Variants in CALN1 observed in about 807,000 individuals in gnomAD.
CALN1 encodes the protein calneuron 1, also known as calcium-binding protein 8.
In CALN1, 17 loss-of-function variants were observed where a neutral mutation model predicts 30.6. That is an observed-to-expected ratio of 0.56 (90% confidence interval 0.38 to 0.83). CALN1 has a LOEUF of 0.83. CALN1 is among the 40% of genes least tolerant of loss of function. CALN1 has a pLI of 0.00. For synonymous variants in CALN1, 156 were observed against 131.4 expected (o/e 1.19, Z -1.28); for missense variants, 291 against 354.9 (o/e 0.82, Z 1.45).
At chr7:72,307,732 A>G (rs1799748751) in intron 2 of CALN1, among the ~76,000 whole-genome samples, 2 of 152,134 alleles carry the variant, frequency 1.3e-5, no homozygotes, top group Admixed American at 6.5e-5. Context: ...AGACACAGAC[A>G]CTAGTGCCCT....
At chr7:71,871,057 AAAG>A (rs2116733811) in intron 5 of CALN1, among the ~76,000 whole-genome samples, 2 of 152,310 alleles carry the variant, frequency 1.3e-5, no homozygotes, top group East Asian at 3.9e-4. Context: ...AAAAAAGAAA[AAAG>A]AAAAAAAGGT....
At chr7:72,257,625 G>A (rs988542531) in intron 3 of CALN1, among the ~76,000 whole-genome samples, 2 of 151,926 alleles carry the variant, frequency 1.3e-5, no homozygotes, top group African/African-American at 2.4e-5. Context: ...CCTACCCAAA[G>A]GGAAAGAAGT....
chr7:71,840,971 CT>C (rs917835335), intron 5 of CALN1, among the ~76,000 whole-genome samples: 2 of 150,676 alleles, frequency 1.3e-5, no homozygotes, highest in African/African-American at 4.9e-5. Context: ...AAAAAAAAAC[CT>C]TTTTAAAGGT....
At chr7:72,324,518 C>G (rs1801125198) in intron 2 of CALN1, among the ~76,000 whole-genome samples, 2 of 151,348 alleles carry the variant, frequency 1.3e-5, no homozygotes, top group South Asian at 4.2e-4. Context: ...TCATTTTCAG[C>G]TCTGGCTCTC....
intron 6 of CALN1, among the ~76,000 whole-genome samples, chr7:71,801,428 G>A (rs11764942): frequency 1.1e-5 from 1 of 87,700 alleles, no homozygotes; most frequent in Non-Finnish European, 2.2e-5. Context: ...ATGTATGTAT[G>A]TATCTATCTA....
chr7:72,361,460 G>GGC (rs1803565152), intron 2 of CALN1, among the ~76,000 whole-genome samples: 1 of 152,080 alleles, frequency 6.6e-6, no homozygotes, highest in Admixed American at 6.6e-5. Context: ...GAGCTATGAT[G>GGC]GCACCACTGC....
At chr7:71,884,958 G>GT (rs35219474) in intron 5 of CALN1, among the ~76,000 whole-genome samples, 17,766 of 152,112 alleles carry the variant, frequency 0.12, 1,505 homozygotes, top group East Asian at 0.43. Context: ...GGAAGCCACT[G>GT]TAAGACTTCA....
At chr7:71,967,119 A>G (rs6963963) in intron 5 of CALN1, among the ~76,000 whole-genome samples, 25,213 of 152,190 alleles carry the variant, frequency 0.17, 2,951 homozygotes, top group East Asian at 0.38. Flanking sequence ...CAACTTAAAT[A>G]TTAAACCTAA....
At chr7:71,789,100 G>A (rs962311711) in intron 6 of CALN1, among the ~76,000 whole-genome samples, 1 of 152,078 alleles carries the variant, frequency 6.6e-6, no homozygotes, top group Non-Finnish European at 1.5e-5. Flanking sequence ...ACCATGCTTG[G>A]CCACTGGGAG....
rs766239076 is a variant in CALN1, at chr7:72,262,859, C to G, written c.244+15827G>C. ...ACCTCCAAACCAATGAGGACAGCCACTGCGATACAAAGTGCTGAGGTTGAA... is the reference window on the plus strand; with the variant it reads ...ACCTCCAAACCAATGAGGACAGCCAGTGCGATACAAAGTGCTGAGGTTGAA... On this transcript the variant is annotated intron_variant, in intron 3 of 6. Transcript: ENST00000395275. Among the ~76,000 whole-genome samples, 9 of 152,232 alleles carry G rather than the reference C, an allele frequency of 5.9e-5. 1 individual carries two copies. Among genetic ancestry groups the G allele is most frequent in the Non-Finnish European group, 8.8e-5 (6 of 68,048 alleles).
chr7:71,847,856 A>G (rs1790409262), intron 5 of CALN1, among the ~76,000 whole-genome samples: 1 of 151,048 alleles, frequency 6.6e-6, no homozygotes, highest in Admixed American at 6.6e-5. Context: ...GGAGAAGAAG[A>G]AGAGGAAAGT....
At chr7:72,445,105 C>CACAA (rs1268740271) in intron 1 of CALN1, among the ~76,000 whole-genome samples, 7 of 128,990 alleles carry the variant, frequency 5.4e-5, no homozygotes, top group African/African-American at 2.2e-4. Flanking sequence ...CACACACACA[C>CACAA]AACATTAAGT....
chr7:72,269,319 T>C (rs972282149), intron 3 of CALN1, among the ~76,000 whole-genome samples: 1 of 152,280 alleles, frequency 6.6e-6, no homozygotes. Context: ...TAACTCGTCA[T>C]TTAACATTAG....
Position 72,216,527 on chromosome 7 carries a change from C to A in CALN1, c.244+62159G>T, listed in dbSNP as rs190052140. Among the ~76,000 whole-genome samples the A allele has an allele frequency of 2.4e-3, 368 of 152,208 alleles. 3 individuals carry two copies. The highest frequency in any genetic ancestry group is 0.017 in the Middle Eastern group (5 of 294). On this transcript the variant is annotated intron_variant, in intron 3 of 6. Coordinates refer to ENST00000395275, the MANE Select transcript of CALN1 (RefSeq NM_031468.4). ...TGTGTATCATAGGGTGCATCCCAAG[C>A]GTAAGGTACCCTGACCCTAGGGAGG...
intron 5 of CALN1, among the ~76,000 whole-genome samples, chr7:71,926,659 G>T (rs1227275512): frequency 2.0e-5 from 3 of 152,060 alleles, no homozygotes; most frequent in African/African-American, 7.2e-5. Context: ...TTAGCCCGTT[G>T]ATCTTGGATG....
chr7:71,977,152 T>A (rs1377032411), intron 5 of CALN1, among the ~76,000 whole-genome samples: 3 of 152,204 alleles, frequency 2.0e-5, no homozygotes, highest in Admixed American at 2.0e-4. Context: ...CAAAATCAAT[T>A]CTAGTGCATT....
rs764276435 is a variant in CALN1 at position 72,247,227 on chromosome 7, C to CTTTTTTTTTTTT, written c.244+31447_244+31458dup. Among the ~76,000 whole-genome samples, 98 of 77,702 alleles carry CTTTTTTTTTTTT rather than the reference C, an allele frequency of 1.3e-3. 11 individuals carry two copies. The highest frequency in any genetic ancestry group is 1.6e-3 in the Non-Finnish European group (68 of 42,960). The allele number at this position is 77,702 out of a possible 152,430, so 51.0% of individuals were successfully genotyped here. On this transcript the variant is annotated intron_variant, in intron 3 of 6. Transcript: ENST00000395275. The stretch of plus-strand genomic sequence containing the variant: ...GGGTTTTCAACAGACCATTTTCTTT[C>CTTTTTTTTTTTT]TTTTTTTTTTTTTTTTTTTTTTTTT...
At chr7:72,096,643 C>T (rs1315044666) in intron 4 of CALN1, among the ~76,000 whole-genome samples, 1 of 152,152 alleles carries the variant, frequency 6.6e-6, no homozygotes, top group African/African-American at 2.4e-5. Context: ...GCAAAGCTAG[C>T]TGGATTCACT....
At chr7:72,298,398 A>T (rs952720908) in intron 2 of CALN1, among the ~76,000 whole-genome samples, 1 of 152,160 alleles carries the variant, frequency 6.6e-6, no homozygotes, top group African/African-American at 2.4e-5. Context: ...TGTCTTTTGG[A>T]AGTCTGTTAA....
Sources: gnomAD v4.1 joint callset for allele counts (sites outside exome capture counted in the v4.1 genomes callset) on GRCh38, gnomAD v4.1.1 for gene constraint, MANE v1.5 for transcripts, NCBI Gene and HGNC (gene_info 2026-07-23, HGNC 2026-07-21) for gene names.